CTBP2: variants seen among roughly 807,000 people sequenced by gnomAD.
CTBP2 encodes the protein C-terminal-binding protein 2.
CTBP2 carries 30 observed loss-of-function variants against 80.3 expected under a neutral mutation model. That is an observed-to-expected ratio of 0.37 (90% CI 0.28 to 0.51). The LOEUF (loss-of-function observed/expected upper bound fraction) is 0.51. Among genes scored for constraint, CTBP2 ranks in the 20% least tolerant of loss-of-function variants. The pLI is 0.93. For synonymous variants in CTBP2, 594 were observed against 587.4 expected, an observed-to-expected ratio of 1.01 and a Z score of -0.16; for missense variants, 1,212 against 1,375.3, an observed-to-expected ratio of 0.88 and a Z score of 1.88.
At position 125,098,100 on chromosome 10, in the gene CTBP2, G is replaced by A. The variant is rs182196494; in HGVS notation, c.-102+12890C>T. On this transcript the variant is annotated intron_variant, in intron 2 of 10. Transcript: ENST00000337195. ...CGCACCACTGCACTCCAGTCTGGGCGACAGAGCGAGACTCTGTCTCAAAAA... is the reference window on the plus strand; with the variant it reads ...CGCACCACTGCACTCCAGTCTGGGCAACAGAGCGAGACTCTGTCTCAAAAA... Among the ~76,000 whole-genome samples, 14 of 152,314 alleles carry A rather than the reference G, an allele frequency of 9.2e-5. No homozygotes were observed. In the East Asian group the frequency reaches 1.7e-3, roughly 19 times the overall value.
intron 3 of CTBP2, among the ~76,000 whole-genome samples, chr10:125,036,227 G>C (rs11245478): frequency 0.2 from 29,903 of 152,110 alleles, 3,660 homozygotes; most frequent in East Asian, 0.28. Flanking sequence ...ACAGGCCTTA[G>C]AAAACAGGGA....
intron 2 of CTBP2, among the ~76,000 whole-genome samples, chr10:125,094,122 T>C (rs1196795378): frequency 6.6e-6 from 1 of 152,134 alleles, no homozygotes; most frequent in Non-Finnish European, 1.5e-5. Flanking sequence ...ATGGTTTCAA[T>C]TAAAAGTTAA....
At chr10:125,123,428 AG>A (rs1854676462) in intron 1 of CTBP2, among the ~76,000 whole-genome samples, 1 of 152,228 alleles carries the variant, frequency 6.6e-6, no homozygotes, top group African/African-American at 2.4e-5. Flanking sequence ...AAAGGGTTTA[AG>A]GGACCTCCTG....
At chr10:125,112,430 GTT>G (rs59714965) in intron 1 of CTBP2, among the ~76,000 whole-genome samples, 496 of 92,338 alleles carry the variant, frequency 5.4e-3, no homozygotes, top group African/African-American at 0.016. Context: ...TACCTTTTTC[GTT>G]TTTTTTTTTT....
At chr10:125,113,701 A>G (rs964016052) in intron 1 of CTBP2, among the ~76,000 whole-genome samples, 5 of 152,242 alleles carry the variant, frequency 3.3e-5, no homozygotes, top group African/African-American at 9.6e-5. Context: ...ACGTAGCAAC[A>G]TGTTAACATC....
In CTBP2 at chr10:125,078,252, C is replaced by T. The variant is rs1044461724; in HGVS notation, c.-102+32738G>A. 2.1e-5 allele frequency among the ~76,000 whole-genome samples: 3 copies of T among 146,052 alleles called. No individual in the cohort carries two copies. In the South Asian group the frequency reaches 6.5e-4, roughly 32 times the overall value. On this transcript the variant is annotated intron_variant, in intron 2 of 10. Coordinates refer to the CTBP2 transcript ENST00000337195. Reference sequence around the variant, plus strand: ...CCGAGATCGCGCCTCTGCACTCCAGCCTGGGCGACAGAGCGAGACTCCGTC... The same window carrying T: ...CCGAGATCGCGCCTCTGCACTCCAGTCTGGGCGACAGAGCGAGACTCCGTC...
At chr10:125,006,388 T>C (rs896451878) in intron 1 of CTBP2, among the ~76,000 whole-genome samples, 2 of 152,170 alleles carry the variant, frequency 1.3e-5, no homozygotes, top group Non-Finnish European at 2.9e-5. Flanking sequence ...CCCCAAGCCC[T>C]GGGCATGAGA....
intron 1 of CTBP2, among the ~76,000 whole-genome samples, chr10:125,159,435 CGGCCCGCCCA>C (rs1449759828): frequency 6.2e-5 from 9 of 145,110 alleles, no homozygotes; most frequent in Non-Finnish European, 7.7e-5. Flanking sequence ...GCCCGCCGCC[CGGCCCGCCCA>C]GGCCCCCCGC....
chr10:125,102,283 A>C (rs1850751321), intron 2 of CTBP2, among the ~76,000 whole-genome samples: 1 of 152,234 alleles, frequency 6.6e-6, no homozygotes. Flanking sequence ...CAAGGCCAGG[A>C]CCAAGTCCTG....
intron 1 of CTBP2, among the ~76,000 whole-genome samples, chr10:125,008,135 A>G (rs4962719): frequency 0.42 from 63,820 of 151,882 alleles, 14,582 homozygotes; most frequent in African/African-American, 0.61. Context: ...TAGCAGAGAC[A>G]GGGTTTCGCG....
intron 2 of CTBP2, among the ~76,000 whole-genome samples, chr10:125,088,638 A>G (rs553123848): frequency 1.3e-5 from 2 of 152,322 alleles, no homozygotes; most frequent in South Asian, 4.1e-4. Flanking sequence ...GAATGAGTCC[A>G]CATCACCTGA....
At position 125,003,014 on chromosome 10, in the gene CTBP2, C is replaced by T. The variant is rs188280364; in HGVS notation, c.1924G>A (p.Val642Met). ...TTGTCATAGCCACTGCCTATCCGCA[C>T]GATCACTCTCAGGGCCTTGAACTTC... The change falls in exon 3 of 9, where the codon GTG becomes ATG. Residue 642 changes from valine (V) to methionine (M), a missense_variant. Transcript: ENST00000309035. The T allele has an allele frequency of 1.7e-5, 28 of 1,614,000 alleles. No homozygotes were observed. In the Admixed American group the frequency reaches 1.8e-4, roughly 11 times the overall value.
intron 2 of CTBP2, among the ~76,000 whole-genome samples, chr10:125,044,470 C>G (rs1960732794): frequency 6.6e-6 from 1 of 152,192 alleles, no homozygotes; most frequent in Non-Finnish European, 1.5e-5. Flanking sequence ...CTCAGGCCAC[C>G]TCAAAAGAGC....
intron 2 of CTBP2, among the ~76,000 whole-genome samples, chr10:125,046,817 T>C (rs1961373562): frequency 6.6e-6 from 1 of 152,196 alleles, no homozygotes; most frequent in South Asian, 2.1e-4. Context: ...AGGCTTTCCC[T>C]TGGCCAACAA....
intron 1 of CTBP2, among the ~76,000 whole-genome samples, chr10:125,013,208 A>T (rs1956119886): frequency 1.3e-5 from 2 of 152,100 alleles, no homozygotes; most frequent in Non-Finnish European, 2.9e-5. Flanking sequence ...AATGCCCACC[A>T]TCTGCTCAGC....
At chr10:125,023,642 G>A (rs1423703558) in intron 1 of CTBP2, among the ~76,000 whole-genome samples, 3 of 152,144 alleles carry the variant, frequency 2.0e-5, no homozygotes, top group East Asian at 1.9e-4. Context: ...TGGGGTCCCC[G>A]CAGCATACGC....
At chr10:125,145,233 G>C (rs1041768177) in intron 1 of CTBP2, among the ~76,000 whole-genome samples, 1 of 152,116 alleles carries the variant, frequency 6.6e-6, no homozygotes, top group Non-Finnish European at 1.5e-5. Flanking sequence ...TGGCAGTTTC[G>C]GGCTGGCTGC....
At chr10:125,103,178 C>A (rs1396221394) in intron 2 of CTBP2, among the ~76,000 whole-genome samples, 4 of 152,196 alleles carry the variant, frequency 2.6e-5, no homozygotes, top group Admixed American at 6.5e-5. Context: ...ACACTCCCAG[C>A]TAACACAGAA....
At position 125,026,169 on chromosome 10, in the gene CTBP2, G is replaced by A; in HGVS notation, c.1591C>T (p.Leu531Phe). The A allele has an allele frequency of 1.2e-6, 2 of 1,611,690 alleles. No individual in the cohort carries two copies. Among genetic ancestry groups the A allele is most frequent in the Non-Finnish European group, 1.7e-6 (2 of 1,178,426 alleles). The change falls in exon 1 of 9, where the codon CTC becomes TTC. Residue 531 changes from leucine to phenylalanine, a missense_variant. Leu to Phe is a conservative substitution (Grantham distance 22). Transcript: ENST00000309035. ...TGGTACGGTGAGTGAGGCGTGTGGA[G>A]GCTCTGGCTGGCCGGCGGCAGGGTG...
Sources: gnomAD v4.1 joint callset for allele counts (sites outside exome capture counted in the v4.1 genomes callset) on GRCh38, gnomAD v4.1.1 for gene constraint, MANE v1.5 for transcripts, NCBI Gene and HGNC (gene_info 2026-07-23, HGNC 2026-07-21) for gene names.